ATF7IP2: variants seen among roughly 807,000 people sequenced by gnomAD.
The protein encoded by ATF7IP2 is activating transcription factor 7 interacting protein 2.
ATF7IP2 carries 42 observed loss-of-function variants against 64.2 expected under a neutral mutation model. The observed-to-expected ratio is 0.65, with a 90% confidence interval of 0.51 to 0.85. ATF7IP2 has a LOEUF of 0.85. Ranked by LOEUF, ATF7IP2 falls within the 40% of genes least tolerant of loss-of-function variation. The pLI is 0.00. For missense variants in ATF7IP2, 933 were observed against 784.2 expected (o/e 1.19, Z -2.27); for synonymous variants, 308 against 272.8 (o/e 1.13, Z -1.27).
intron 3 of ATF7IP2, among the ~76,000 whole-genome samples, chr16:10,425,317 G>A (rs1202275476): frequency 2.0e-5 from 3 of 148,336 alleles, no homozygotes; most frequent in Admixed American, 1.4e-4. Flanking sequence ...TGATCCACCC[G>A]CCTCAGCCTC....
At position 10,449,475 on chromosome 16, in the gene ATF7IP2, A is replaced by G. The variant is rs1596545725; in HGVS notation, c.1195-7897A>G. The G allele has an allele frequency of 5.3e-5, 8 of 152,274 alleles. 1 individual carries two copies. The highest frequency in any genetic ancestry group is 5.2e-4 in the Admixed American group (8 of 15,300). The allele number at this position is 152,274 out of a possible 1,614,324, so 9.4% of individuals were successfully genotyped here. ...TGGTAGACTATTAATTACTGCCTCA[A>G]TTTCAGAACTCGTTATTGGTCTTTT... On this transcript the variant is annotated intron_variant, in intron 8 of 13. Coordinates refer to ENST00000562102, the MANE Select transcript of ATF7IP2 (RefSeq NM_001393719.1).
At position 10,438,091 on chromosome 16, in the gene ATF7IP2, A is replaced by C; in HGVS notation, c.961-10A>C. 2 of 1,524,272 alleles carry C rather than the reference A, an allele frequency of 1.3e-6. No homozygotes were observed. Among genetic ancestry groups the C allele is most frequent in the Non-Finnish European group, 1.8e-6 (2 of 1,141,530 alleles). The allele number at this position is 1,524,272 out of a possible 1,614,324, so 94.4% of individuals were successfully genotyped here. On this transcript the variant is annotated splice_polypyrimidine_tract_variant and intron_variant, in intron 6 of 13. Coordinates refer to ENST00000562102, the MANE Select transcript of ATF7IP2 (RefSeq NM_001393719.1). The stretch of plus-strand genomic sequence containing the variant: ...CGTAGGGTGTTTTGGTTTTTATTTT[A>C]AAATTCTAGGTCAGACATTTGATTC...
chr16:10,423,540 T>G (rs2048027440), intron 3 of ATF7IP2, among the ~76,000 whole-genome samples: 1 of 152,146 alleles, frequency 6.6e-6, no homozygotes, highest in South Asian at 2.1e-4. Context: ...CTGAGAGCGG[T>G]CGCTCAAGGC....
chr16:10,474,282 A>G (rs2049922546), intron 12 of ATF7IP2, among the ~76,000 whole-genome samples: 1 of 152,208 alleles, frequency 6.6e-6, no homozygotes, highest in African/African-American at 2.4e-5. Flanking sequence ...ATAATGCAGT[A>G]TGTGTCCTTC....
At chr16:10,461,548 A>G (rs915689433) in intron 9 of ATF7IP2, among the ~76,000 whole-genome samples, 1 of 152,172 alleles carries the variant, frequency 6.6e-6, no homozygotes, top group African/African-American at 2.4e-5. Context: ...ATGCAACAGT[A>G]TGGATTATTC....
At chr16:10,444,892 C>T (rs1263642173) in intron 8 of ATF7IP2, among the ~76,000 whole-genome samples, 1 of 152,066 alleles carries the variant, frequency 6.6e-6, no homozygotes, top group Non-Finnish European at 1.5e-5. Flanking sequence ...ACATTATTAG[C>T]AGTTGCATTT....
At chr16:10,415,623 G>A (rs1026275137) in intron 2 of ATF7IP2, among the ~76,000 whole-genome samples, 1 of 152,168 alleles carries the variant, frequency 6.6e-6, no homozygotes, top group East Asian at 1.9e-4. Context: ...ATCACTTCAA[G>A]TTAAGCTTCT....
At chr16:10,469,857 T>C (rs1244987696) in intron 9 of ATF7IP2, among the ~76,000 whole-genome samples, 2 of 150,672 alleles carry the variant, frequency 1.3e-5, no homozygotes, top group Admixed American at 1.3e-4. Context: ...ATCTCTAAAA[T>C]TGAGATCATA....
At chr16:10,423,679 C>G (rs555174809) in intron 3 of ATF7IP2, among the ~76,000 whole-genome samples, 69 of 152,284 alleles carry the variant, frequency 4.5e-4, no homozygotes, top group Non-Finnish European at 8.4e-4. Context: ...AAACCTCTCC[C>G]TCCTTTGCCA....
intron 9 of ATF7IP2, among the ~76,000 whole-genome samples, chr16:10,465,136 C>T (rs1049653398): frequency 2.0e-5 from 3 of 152,162 alleles, no homozygotes; most frequent in African/African-American, 7.2e-5. Context: ...GTCCATCCTA[C>T]TCATTATTAA....
Position 10,472,171 on chromosome 16 carries a change from T to C in ATF7IP2, c.1414T>C (p.Ser472Pro), listed in dbSNP as rs752110961. The C allele has an allele frequency of 6.4e-7, 1 of 1,558,652 alleles. No individual in the cohort carries two copies. The highest frequency in any genetic ancestry group is 1.2e-5 in the South Asian group (1 of 86,658). The part of the protein sequence containing the change: ...ESPNLTTPIT[S>P]NPTDTRKITS... Reference sequence around the variant, plus strand: ...TCCTAATTTGACAACTCCAATTACATCAAATCCAACAGGTATCTTATAGCT... The same window carrying C: ...TCCTAATTTGACAACTCCAATTACACCAAATCCAACAGGTATCTTATAGCT... The change falls in exon 10 of 14, where the codon TCA becomes CCA. Residue 472 changes from serine (S) to proline (P), a missense_variant. Coordinates refer to ENST00000562102, the MANE Select transcript of ATF7IP2 (RefSeq NM_001393719.1).
At chr16:10,437,861 T>C (rs899152258) in intron 6 of ATF7IP2, among the ~76,000 whole-genome samples, 1 of 152,202 alleles carries the variant, frequency 6.6e-6, no homozygotes, top group African/African-American at 2.4e-5. Context: ...AAAGTTAGCA[T>C]TATGAGAATA....
chr16:10,411,690 G>A (rs1183285481), intron 1 of ATF7IP2, among the ~76,000 whole-genome samples: 1 of 152,000 alleles, frequency 6.6e-6, no homozygotes, highest in Non-Finnish European at 1.5e-5. Flanking sequence ...TTTTTTAATT[G>A]CCATGTCAAT....
intron 12 of ATF7IP2, among the ~76,000 whole-genome samples, chr16:10,474,886 C>A (rs1222717227): frequency 2.0e-5 from 3 of 152,158 alleles, no homozygotes; most frequent in African/African-American, 7.2e-5. Flanking sequence ...AAATAACTGT[C>A]AACCTGTAAT....
chr16:10,473,482 C>T lies in ATF7IP2; in HGVS notation c.1430C>T (p.Thr477Ile). Residue 477 changes from threonine (T) to isoleucine (I), a missense_variant, in exon 11 of 14, where the codon ACC becomes ATC. Coordinates refer to ENST00000562102, the MANE Select transcript of ATF7IP2 (RefSeq NM_001393719.1). ...TTPITSNPTD[T>I]RKITSGNSSN... ...TCAAATGTCTAATTTCTTTCAGATACCAGAAAAATTACATCAGGAAATTCT... is the reference window on the plus strand; with the variant it reads ...TCAAATGTCTAATTTCTTTCAGATATCAGAAAAATTACATCAGGAAATTCT... 1 of 1,553,420 alleles carries T rather than the reference C, an allele frequency of 6.4e-7. No individual in the cohort carries two copies. Among genetic ancestry groups the T allele is most frequent in the Non-Finnish European group, 8.8e-7 (1 of 1,130,860 alleles).
At chr16:10,479,958 CTTTTTTTT>C (rs201158427) in intron 12 of ATF7IP2, among the ~76,000 whole-genome samples, 15 of 80,564 alleles carry the variant, frequency 1.9e-4, no homozygotes, top group South Asian at 4.4e-4. Context: ...ACTGGAAATA[CTTTTTTTT>C]TTTTTTTTTT....
intron 5 of ATF7IP2, among the ~76,000 whole-genome samples, chr16:10,431,990 A>ATTTTTTTTTTTTTTTTTTTTT (rs34029007): frequency 9.0e-6 from 1 of 111,608 alleles, no homozygotes; most frequent in Non-Finnish European, 1.7e-5. Context: ...CGCCCGGCTA[A>ATTTTTTTTTTTTTTTTTTTTT]TTTTTTTTTT....
chr16:10,421,397 G>C (rs2047986008), intron 3 of ATF7IP2, among the ~76,000 whole-genome samples: 1 of 152,172 alleles, frequency 6.6e-6, no homozygotes, highest in Non-Finnish European at 1.5e-5. Context: ...TAATTGCTGA[G>C]GGCTATTGCG....
chr16:10,423,643 A>T (rs1451238088), intron 3 of ATF7IP2, among the ~76,000 whole-genome samples: 1 of 152,144 alleles, frequency 6.6e-6, no homozygotes, highest in Non-Finnish European at 1.5e-5. Context: ...CTTCAAAATA[A>T]TGAGGGGGTG....
Sources: gnomAD v4.1 joint callset for allele counts (sites outside exome capture counted in the v4.1 genomes callset) on GRCh38, gnomAD v4.1.1 for gene constraint, MANE v1.5 for transcripts, NCBI Gene and HGNC (gene_info 2026-07-23, HGNC 2026-07-21) for gene names.